ADGRV1: variants seen among roughly 807,000 people sequenced by gnomAD.
ADGRV1 encodes G-protein coupled receptor 98.
Under a neutral mutation model 596.2 loss-of-function variants are expected in ADGRV1, and 359 were observed. That is an observed-to-expected ratio of 0.60 (90% CI 0.55 to 0.66). ADGRV1 has a LOEUF of 0.66. Ranked by LOEUF, ADGRV1 falls within the 30% of genes least tolerant of loss-of-function variation. The probability of loss-of-function intolerance (pLI) is 0.00; values close to 1 mark genes in which losing one functional copy is unlikely to be tolerated. For missense variants in ADGRV1, 7,274 were observed against 7,575.6 expected (o/e 0.96, Z 1.48); for synonymous variants, 2,681 against 2,679.2 (o/e 1.00, Z -0.02).
intron 56 of ADGRV1, 117 bp from the exon 57 acceptor site, chr5:90,756,858 CTATT>C: frequency 9.7e-6 from 8 of 824,466 alleles, no homozygotes; most frequent in Non-Finnish European, 1.5e-5. Flanking sequence ...TTATATCTGA[CTATT>C]AATTTCTACT....
At chr5:90,863,099 A>G (rs1767763134) in intron 82 of ADGRV1, among the ~76,000 whole-genome samples, 1 of 152,248 alleles carries the variant, frequency 6.6e-6, no homozygotes. Flanking sequence ...TGAAAAAGCA[A>G]ATAGGTTATC....
At chr5:90,847,059 G>T (rs754463700) in intron 78 of ADGRV1, among the ~76,000 whole-genome samples, 1 of 152,134 alleles carries the variant, frequency 6.6e-6, no homozygotes, top group Non-Finnish European at 1.5e-5. Context: ...ACAGAGTGCT[G>T]ATTCATGCCT....
rs1037241747 is a variant in ADGRV1, at chr5:90,887,166, C to A, written c.17856+23309C>A. Among the ~76,000 whole-genome samples the A allele has an allele frequency of 3.9e-5, 6 of 152,174 alleles. No homozygotes were observed. The East Asian group carries it at 1.2e-3, about 29-fold the overall frequency. Reference sequence around the variant, plus strand: ...ACCAGCTCCGGTCCATATCACCAATCTACCACCCACACCACACGGACCTTG... The same window carrying A: ...ACCAGCTCCGGTCCATATCACCAATATACCACCCACACCACACGGACCTTG... On this transcript the variant is annotated intron_variant, in intron 83 of 89. Coordinates refer to ENST00000405460, the MANE Select transcript of ADGRV1 (RefSeq NM_032119.4).
intron 59 of ADGRV1, among the ~76,000 whole-genome samples, chr5:90,764,698 C>T (rs2150021658): frequency 6.6e-6 from 1 of 152,276 alleles, no homozygotes; most frequent in African/African-American, 2.4e-5. Flanking sequence ...ACCCACCTGT[C>T]CCCCATGCTT....
chr5:90,893,742 C>T (rs1056617949), intron 83 of ADGRV1, among the ~76,000 whole-genome samples: 5 of 152,134 alleles, frequency 3.3e-5, no homozygotes, highest in African/African-American at 1.2e-4. Flanking sequence ...GAATCTGAAT[C>T]TTATTTACTC....
In ADGRV1 at chr5:90,720,163, T is replaced by C; in HGVS notation, c.9563T>C (p.Ile3188Thr). 1 of 1,610,218 alleles carries C rather than the reference T, an allele frequency of 6.2e-7. No homozygotes were observed. The highest frequency in any genetic ancestry group is 8.5e-7 in the Non-Finnish European group (1 of 1,178,280). Residue 3188 changes from isoleucine (I) to threonine (T), a missense_variant, in exon 44 of 90, where the codon ATA becomes ACA. Coordinates refer to ENST00000405460, the MANE Select transcript of ADGRV1 (RefSeq NM_032119.4). ...ARLGVHVQTL[I>T]TVLQNQAPLG... ...CTAGGGGTGCATGTTCAAACCCTGA[T>C]AACAGTTTTGCAAAACCAGGCCCCT...
chr5:90,592,850 C>T (rs1055498535), intron 1 of ADGRV1, among the ~76,000 whole-genome samples: 4 of 152,156 alleles, frequency 2.6e-5, no homozygotes, highest in African/African-American at 9.7e-5. Context: ...TGAAAAAATG[C>T]TCATCATCAC....
chr5:90,746,041 A>G (rs571573184), intron 52 of ADGRV1, among the ~76,000 whole-genome samples: 3 of 152,126 alleles, frequency 2.0e-5, no homozygotes, highest in East Asian at 1.9e-4. Flanking sequence ...GATTCCTTTT[A>G]TAGGATTGAC....
At chr5:90,849,183 A>G (rs575638689) in intron 79 of ADGRV1, among the ~76,000 whole-genome samples, 71 of 152,292 alleles carry the variant, frequency 4.7e-4, no homozygotes, top group Non-Finnish European at 1.3e-4. Context: ...GCTTTCCCCA[A>G]TCACAAACAA....
chr5:90,973,176 C>T (rs1223874275), intron 84 of ADGRV1, among the ~76,000 whole-genome samples: 1 of 152,112 alleles, frequency 6.6e-6, no homozygotes. Context: ...CCTGAATAGA[C>T]CAATAACAGG....
intron 10 of ADGRV1, 23 bp downstream of exon 10, chr5:90,635,313 A>G (rs755860107): frequency 6.3e-7 from 1 of 1,576,258 alleles, no homozygotes; most frequent in African/African-American, 1.4e-5. Flanking sequence ...TTTCTTACTG[A>G]TGGGGGCTAA....
At chr5:90,563,731 A>G (rs1995555) in intron 1 of ADGRV1, among the ~76,000 whole-genome samples, 1 of 152,204 alleles carries the variant, frequency 6.6e-6, no homozygotes, top group Non-Finnish European at 1.5e-5. Context: ...AAAAGATTCT[A>G]AAGTGTTACA....
At chr5:91,006,206 G>C (rs1016331584) in intron 85 of ADGRV1, among the ~76,000 whole-genome samples, 3 of 152,100 alleles carry the variant, frequency 2.0e-5, no homozygotes. Flanking sequence ...TACTACACAA[G>C]TTATACCCTG....
chr5:90,925,042 G>T (rs13355732), intron 83 of ADGRV1, among the ~76,000 whole-genome samples: 1 of 150,888 alleles, frequency 6.6e-6, no homozygotes, highest in African/African-American at 2.4e-5. Flanking sequence ...TAGCCTTGTG[G>T]TATAGTTTGA....
chr5:90,880,194 C>T (rs1399083434), intron 83 of ADGRV1, among the ~76,000 whole-genome samples: 1 of 152,060 alleles, frequency 6.6e-6, no homozygotes, highest in African/African-American at 2.4e-5. Flanking sequence ...CTCATGATCC[C>T]ATAGCTATGA....
intron 1 of ADGRV1, among the ~76,000 whole-genome samples, chr5:90,583,740 A>G (rs16868798): frequency 0.014 from 2,208 of 152,326 alleles, 55 homozygotes; most frequent in African/African-American, 0.051. Context: ...TTCTTATTAC[A>G]TAGTTAATCA....
chr5:91,098,970 G>T (rs950742431), intron 86 of ADGRV1, among the ~76,000 whole-genome samples: 3 of 152,104 alleles, frequency 2.0e-5, no homozygotes, highest in Non-Finnish European at 2.9e-5. Flanking sequence ...ACAGCTTAGG[G>T]GTTTTCTAAA....
intron 49 of ADGRV1, 87 bp downstream of exon 49, chr5:90,729,020 G>T: frequency 1.0e-6 from 1 of 952,746 alleles, no homozygotes; most frequent in Non-Finnish European, 1.5e-6. Context: ...AAATGCTCTT[G>T]CAATAATTTT....
At chr5:91,156,444 G>A (rs539366796) in intron 89 of ADGRV1, among the ~76,000 whole-genome samples, 1 of 152,268 alleles carries the variant, frequency 6.6e-6, no homozygotes, top group Admixed American at 6.5e-5. Flanking sequence ...TAAAGTCAGG[G>A]CTGAAAAGAG....
Sources: gnomAD v4.1 joint callset for allele counts (sites outside exome capture counted in the v4.1 genomes callset) on GRCh38, gnomAD v4.1.1 for gene constraint, MANE v1.5 for transcripts, NCBI Gene and HGNC (gene_info 2026-07-23, HGNC 2026-07-21) for gene names.